The following ATF6 variants were observed in gnomAD, a reference collection of about 807,000 sequenced individuals.
ATF6 encodes cyclic AMP-dependent transcription factor ATF-6 alpha.
ATF6 carries 53 observed loss-of-function variants against 83.6 expected under a neutral mutation model. The ratio of observed to expected loss-of-function variants is 0.63; its 90% CI spans 0.51 to 0.80. ATF6 has a LOEUF of 0.80. Ranked by LOEUF, ATF6 falls within the 30% of genes least tolerant of loss-of-function variation. ATF6 has a pLI of 0.00. For missense variants in ATF6, 744 were observed against 797.9 expected (o/e 0.93, Z 0.81); for synonymous variants, 288 against 285.8 (o/e 1.01, Z -0.08).
intron 9 of ATF6, among the ~76,000 whole-genome samples, chr1:161,834,880 GAGAT>G (rs1037697030): frequency 1.8e-4 from 27 of 152,278 alleles, no homozygotes; most frequent in African/African-American, 6.0e-4. Flanking sequence ...GGGAGACAGA[GAGAT>G]AGAAAATGTG....
At chr1:161,772,781 A>G (rs949030777) in intron 1 of ATF6, among the ~76,000 whole-genome samples, 3 of 151,334 alleles carry the variant, frequency 2.0e-5, no homozygotes, top group Non-Finnish European at 4.4e-5. Flanking sequence ...AAAAAACAAA[A>G]CCAACAAACT....
intron 1 of ATF6, among the ~76,000 whole-genome samples, chr1:161,768,870 AT>A (rs1002387212): frequency 6.6e-6 from 1 of 151,324 alleles, no homozygotes; most frequent in Non-Finnish European, 1.5e-5. Context: ...TCTAGCCTTG[AT>A]TTTTTTTTAA....
intron 15 of ATF6, among the ~76,000 whole-genome samples, chr1:161,955,504 A>G (rs972121443): frequency 5.3e-5 from 8 of 152,228 alleles, no homozygotes; most frequent in African/African-American, 1.9e-4. Flanking sequence ...TACAAAGATC[A>G]TGAGTTACCA....
intron 14 of ATF6, among the ~76,000 whole-genome samples, chr1:161,886,986 C>T (rs765762191): frequency 6.6e-6 from 1 of 152,112 alleles, no homozygotes; most frequent in Non-Finnish European, 1.5e-5. Context: ...TGTTTCTGTA[C>T]CCTTAACTTG....
intron 9 of ATF6, among the ~76,000 whole-genome samples, chr1:161,830,623 G>C (rs1305493510): frequency 2.0e-5 from 3 of 152,198 alleles, no homozygotes; most frequent in Non-Finnish European, 2.9e-5. Context: ...GAACAGAACA[G>C]AGCCCTCAGA....
chr1:161,921,840 C>T (rs1688218293), intron 15 of ATF6, among the ~76,000 whole-genome samples: 2 of 152,034 alleles, frequency 1.3e-5, no homozygotes, highest in Admixed American at 1.3e-4. Context: ...TGTCCCTTTC[C>T]ATCTGTTGTA....
intron 15 of ATF6, among the ~76,000 whole-genome samples, chr1:161,914,464 A>G (rs959337609): frequency 2.0e-5 from 3 of 152,162 alleles, no homozygotes; most frequent in Admixed American, 1.3e-4. Context: ...CCTGCTGTCT[A>G]ACTTCAGCAT....
chr1:161,896,786 T>G (rs1204123901), intron 14 of ATF6, among the ~76,000 whole-genome samples: 1 of 152,228 alleles, frequency 6.6e-6, no homozygotes, highest in East Asian at 1.9e-4. Flanking sequence ...ATATATAGTT[T>G]CCAGTTTAGA....
chr1:161,860,241 T>TG lies in ATF6; in HGVS notation c.1570dup (p.Ala524GlyfsTer9). On this transcript the variant is annotated frameshift_variant, in exon 13 of 16. Coordinates refer to ENST00000367942, the MANE Select transcript of ATF6 (RefSeq NM_007348.4). LOFTEE classifies it high-confidence loss of function. ...GAACAGGGCTCAAATTCTCAGCTGA[T>TG]GGCTGTTCAATACACAGAAACCACT... 1 of 1,595,598 alleles carries TG rather than the reference T, an allele frequency of 6.3e-7. No individual in the cohort carries two copies.
intron 15 of ATF6, among the ~76,000 whole-genome samples, chr1:161,949,268 G>C (rs1423873669): frequency 6.6e-6 from 1 of 152,156 alleles, no homozygotes; most frequent in African/African-American, 2.4e-5. Context: ...TGCCTTCTGT[G>C]TGCCAAGGAC....
intron 9 of ATF6, among the ~76,000 whole-genome samples, chr1:161,835,267 G>T (rs1157370002): frequency 6.6e-6 from 1 of 152,064 alleles, no homozygotes; most frequent in East Asian, 1.9e-4. Flanking sequence ...TGTTGCTCAG[G>T]CTGGTCTCGA....
chr1:161,869,768 T>A (rs1425832572), intron 14 of ATF6, among the ~76,000 whole-genome samples: 8 of 151,884 alleles, frequency 5.3e-5, no homozygotes, highest in African/African-American at 1.9e-4. Flanking sequence ...AATAATGTTC[T>A]TTTTATATGT....
At chr1:161,860,508 A>G (rs1161592091) in intron 13 of ATF6, among the ~76,000 whole-genome samples, 2 of 151,736 alleles carry the variant, frequency 1.3e-5, no homozygotes, top group Non-Finnish European at 2.9e-5. Flanking sequence ...TCCCTTAAAT[A>G]CAAATTTAGT....
chr1:161,871,340 G>A (rs1441930994), intron 14 of ATF6, among the ~76,000 whole-genome samples: 1 of 151,472 alleles, frequency 6.6e-6, no homozygotes, highest in South Asian at 2.1e-4. Context: ...AAAAAGGCAG[G>A]AATTAGGGTG....
chr1:161,830,768 C>T (rs571806757), intron 9 of ATF6, among the ~76,000 whole-genome samples: 309 of 152,326 alleles, frequency 2.0e-3, no homozygotes, highest in African/African-American at 3.3e-3. Flanking sequence ...AAACTGGATC[C>T]GTTCCTTACA....
intron 9 of ATF6, 26 bp from the exon 10 acceptor site, chr1:161,846,423 T>G: frequency 6.3e-7 from 1 of 1,590,906 alleles, no homozygotes; most frequent in South Asian, 1.1e-5. Context: ...TTATTTCAGC[T>G]ATTATTTCCT....
At chr1:161,851,309 T>C (rs1686622503) in intron 10 of ATF6, among the ~76,000 whole-genome samples, 1 of 151,790 alleles carries the variant, frequency 6.6e-6, no homozygotes, top group African/African-American at 2.4e-5. Context: ...TCCAATTTTA[T>C]TATCATAGAA....
At chr1:161,835,042 G>A (rs369711589) in intron 9 of ATF6, among the ~76,000 whole-genome samples, 3 of 152,100 alleles carry the variant, frequency 2.0e-5, no homozygotes, top group African/African-American at 4.8e-5. Context: ...CCCAAAAAAT[G>A]TATAACCTGA....
chr1:161,778,246 T>C lies in ATF6; in HGVS notation c.85T>C (p.Ser29Pro), dbSNP rs1179230713. 6.2e-7 allele frequency: 1 copy of C among 1,612,796 alleles called. No homozygotes were observed. The highest frequency in any genetic ancestry group is 8.5e-7 in the Non-Finnish European group (1 of 1,179,212). The change falls in exon 2 of 16, where the codon TCT becomes CCT. Residue 29 changes from serine (S) to proline (P), a missense_variant and splice_region_variant. Coordinates refer to ENST00000367942, the MANE Select transcript of ATF6 (RefSeq NM_007348.4). The part of the protein sequence containing the change: ...LFHRLDEDWD[S>P]ALFAELGYFT... ...CTATTCTTTTCCTTTGTCCAAAGATTCTGCTCTCTTTGCTGAACTCGGTTA... is the reference window on the plus strand; with the variant it reads ...CTATTCTTTTCCTTTGTCCAAAGATCCTGCTCTCTTTGCTGAACTCGGTTA...
Sources: gnomAD v4.1 joint callset for allele counts (sites outside exome capture counted in the v4.1 genomes callset) on GRCh38, gnomAD v4.1.1 for gene constraint, MANE v1.5 for transcripts, NCBI Gene and HGNC (gene_info 2026-07-23, HGNC 2026-07-21) for gene names.